Variants in ITPR1 observed in about 807,000 individuals in gnomAD.
ITPR1 encodes inositol 1,4,5-trisphosphate receptor type 1.
In ITPR1, 96 loss-of-function variants were observed where a neutral mutation model predicts 318.4. The observed-to-expected ratio is 0.30, with a 90% CI of 0.26 to 0.36. The LOEUF (loss-of-function observed/expected upper bound fraction) is 0.36. Among genes scored for constraint, ITPR1 ranks in the 10% least tolerant of loss-of-function variants. The pLI, the probability that ITPR1 is intolerant of heterozygous loss-of-function variation, is 1.00. For missense variants in ITPR1, 2,440 were observed against 3,460.2 expected (o/e 0.71, Z 7.40); for synonymous variants, 1,312 against 1,289.9 (o/e 1.02, Z -0.37).
chr3:4,592,604 C>T (rs2090478344), intron 4 of ITPR1, among the ~76,000 whole-genome samples: 1 of 152,100 alleles, frequency 6.6e-6, no homozygotes, highest in African/African-American at 2.4e-5. Flanking sequence ...CTGTCTGACA[C>T]CCTCTCCATG....
At chr3:4,595,808 T>A (rs1199503138) in intron 4 of ITPR1, among the ~76,000 whole-genome samples, 1 of 152,094 alleles carries the variant, frequency 6.6e-6, no homozygotes, top group Admixed American at 6.5e-5. Flanking sequence ...AGCATTTAGG[T>A]CACTGATGAC....
intron 5 of ITPR1, among the ~76,000 whole-genome samples, chr3:4,628,368 C>T (rs954413669): frequency 2.6e-5 from 4 of 152,206 alleles, no homozygotes; most frequent in African/African-American, 9.7e-5. Flanking sequence ...TGGCTGTTAG[C>T]ATTGTATCTG....
chr3:4,654,001 T>G (rs2093651769), intron 12 of ITPR1, 115 bp downstream of exon 12: 3 of 680,848 alleles, frequency 4.4e-6, no homozygotes, highest in Non-Finnish European at 7.6e-6. Flanking sequence ...AGGAGGAACC[T>G]TAGGCTCCCT....
intron 11 of ITPR1, among the ~76,000 whole-genome samples, chr3:4,653,298 C>T (rs927734607): frequency 1.3e-5 from 2 of 152,106 alleles, no homozygotes; most frequent in South Asian, 2.1e-4. Context: ...TGCTCAGCCC[C>T]CCACGGTGCC....
At chr3:4,726,450 T>C (rs2125307669) in intron 41 of ITPR1, among the ~76,000 whole-genome samples, 1 of 152,258 alleles carries the variant, frequency 6.6e-6, no homozygotes, top group African/African-American at 2.4e-5. Context: ...TGGGGAGACA[T>C]ATTTCCAAGT....
intron 60 of ITPR1, chr3:4,825,795 G>T (rs1469037455): frequency 3.1e-5 from 14 of 456,680 alleles, no homozygotes; most frequent in Non-Finnish European, 6.2e-5. Context: ...TCTGAAGTTG[G>T]GGACAACAGC....
Position 4,551,059 on chromosome 3 carries a change from G to T in ITPR1, c.163+29965G>T, listed in dbSNP as rs374372129. On this transcript the variant is annotated intron_variant, in intron 4 of 61. Transcript: ENST00000649015. ...TTCCCCTCCCCACAGAGCAGATGTA[G>T]CTGAAGTGCTCATGTGTATGTATTT... Among the ~76,000 whole-genome samples the T allele has an allele frequency of 7.9e-5, 12 of 152,300 alleles. No homozygotes were observed. The East Asian group carries it at 2.3e-3, about 29-fold the overall frequency.
rs570172189 is a variant in ITPR1, at chr3:4,641,021, C to T, written c.367-1072C>T. Among the ~76,000 whole-genome samples, 12 of 152,270 alleles carry T rather than the reference C, an allele frequency of 7.9e-5. No individual in the cohort carries two copies. In the South Asian group the frequency reaches 2.3e-3, roughly 29 times the overall value. On this transcript the variant is annotated intron_variant, in intron 6 of 61. Coordinates refer to ENST00000649015, the MANE Select transcript of ITPR1 (RefSeq NM_001378452.1). The stretch of plus-strand genomic sequence containing the variant: ...CAGGTTATTCTTCTACCTCCAACTG[C>T]GCTGTTCGGGGATTTGGAGGACCTC...
chr3:4,758,730 G>A (rs926563256), intron 44 of ITPR1, among the ~76,000 whole-genome samples: 1 of 152,246 alleles, frequency 6.6e-6, no homozygotes, highest in African/African-American at 2.4e-5. Context: ...TGGCTAGGCA[G>A]AGCGTGCCTG....
rs140002591 is a variant in ITPR1, at chr3:4,644,084, C to G, written c.526-52C>G. ...CTTCTAGAACTGCCCAGTGGTCAAT[C>G]CGCAGTCCTTATCAGTTTTGTGCAA... is the stretch of plus-strand genomic sequence containing the variant. On this transcript the variant is annotated intron_variant, in intron 7 of 61. Transcript: ENST00000649015. 2,011 of 1,217,540 alleles carry G rather than the reference C, an allele frequency of 1.7e-3. 26 individuals are homozygous for G. The African/African-American group carries it at 0.026, about 16-fold the overall frequency. 75.4% of individuals were successfully genotyped at this position (1,217,540 alleles called of 1,614,324 possible). A position where few individuals can be genotyped will look rare whatever the true frequency, so the allele number is the denominator to read the frequency against.
At chr3:4,516,374 A>C in intron 2 of ITPR1, 102 bp from the exon 3 acceptor site, 1 of 603,860 alleles carries the variant, frequency 1.7e-6, no homozygotes, top group Non-Finnish European at 2.9e-6. Context: ...ACTTTTAAGT[A>C]AGGCGCTTTG....
At chr3:4,503,915 C>T (rs2081219557) in intron 2 of ITPR1, among the ~76,000 whole-genome samples, 1 of 152,058 alleles carries the variant, frequency 6.6e-6, no homozygotes, top group Admixed American at 6.6e-5. Context: ...AATAAGCACC[C>T]TCCCCCTCTC....
At chr3:4,690,058 C>T (rs150230168) in intron 31 of ITPR1, among the ~76,000 whole-genome samples, 5,869 of 152,288 alleles carry the variant, frequency 0.039, 165 homozygotes, top group Non-Finnish European at 0.056. Flanking sequence ...AGGCGGATCA[C>T]TTGAGATCAG....
At chr3:4,650,194 T>A (rs1313301717) in intron 10 of ITPR1, among the ~76,000 whole-genome samples, 1 of 152,232 alleles carries the variant, frequency 6.6e-6, no homozygotes, top group Non-Finnish European at 1.5e-5. Flanking sequence ...GCTATGAACA[T>A]TCATATGCAA....
chr3:4,508,598 G>GA (rs555627824), intron 2 of ITPR1, among the ~76,000 whole-genome samples: 56 of 144,946 alleles, frequency 3.9e-4, no homozygotes, highest in Admixed American at 1.4e-3. Context: ...AAAGCTTTTA[G>GA]AAAAAAAAAA....
chr3:4,693,763 G>GT lies in ITPR1; in HGVS notation c.4281+23dup, dbSNP rs755603503. 5 of 1,600,226 alleles carry GT rather than the reference G, an allele frequency of 3.1e-6. No homozygotes were observed. The African/African-American group carries it at 6.7e-5, about 21-fold the overall frequency. ...TGAGGTGAGCGAGCCCAGCCTGGCT[G>GT]TGCCCTTCTCGTTGCTATGTGGTGT... is the stretch of plus-strand genomic sequence containing the variant. On this transcript the variant is annotated intron_variant, in intron 33 of 61. Coordinates refer to ENST00000649015, the MANE Select transcript of ITPR1 (RefSeq NM_001378452.1).
In ITPR1 at chr3:4,645,907, C is replaced by A. The variant is rs1176287216; in HGVS notation, c.855+179C>A. On this transcript the variant is annotated intron_variant, in intron 10 of 61. Transcript: ENST00000649015. ...CATGTGTGTGTATATATATAAGTCA[C>A]AAACAAGTACTTATACCCACCTTAT... is the stretch of plus-strand genomic sequence containing the variant. 3 of 601,890 alleles carry A rather than the reference C, an allele frequency of 5.0e-6. No individual in the cohort carries two copies. The East Asian group carries it at 8.5e-5, about 17-fold the overall frequency. 37.3% of individuals were successfully genotyped at this position (601,890 alleles called of 1,614,324 possible). A position where few individuals can be genotyped will look rare whatever the true frequency, so the allele number is the denominator to read the frequency against.
At chr3:4,671,973 G>A (rs1454170931) in intron 20 of ITPR1, among the ~76,000 whole-genome samples, 1 of 151,972 alleles carries the variant, frequency 6.6e-6, no homozygotes, top group Non-Finnish European at 1.5e-5. Context: ...ATTCAATACG[G>A]GTACTGAAGC....
At chr3:4,669,480 T>C (rs891263272) in intron 18 of ITPR1, among the ~76,000 whole-genome samples, 174 bp from the exon 19 acceptor site, 1 of 152,210 alleles carries the variant, frequency 6.6e-6, no homozygotes, top group Non-Finnish European at 1.5e-5. Context: ...CTCTTCCTTC[T>C]TTCTGGCATG....
Sources: gnomAD v4.1 joint callset for allele counts (sites outside exome capture counted in the v4.1 genomes callset) on GRCh38, gnomAD v4.1.1 for gene constraint, MANE v1.5 for transcripts, NCBI Gene and HGNC (gene_info 2026-07-23, HGNC 2026-07-21) for gene names.